PIK3C2G: variants seen among roughly 807,000 people sequenced by gnomAD.
PIK3C2G encodes phosphatidylinositol 3-kinase C2 domain-containing subunit gamma.
PIK3C2G carries 168 observed loss-of-function variants against 181.1 expected under a neutral mutation model. That is an observed-to-expected ratio of 0.93 (90% CI 0.82 to 1.05). The LOEUF is 1.05. Among genes scored for constraint, PIK3C2G ranks in the 50% least tolerant of loss-of-function variants. The pLI is 0.00. For missense variants in PIK3C2G, 1,869 were observed against 1,732.8 expected, an observed-to-expected ratio of 1.08 and a Z score of -1.40; for synonymous variants, 573 against 592.2, an observed-to-expected ratio of 0.97 and a Z score of 0.47.
intron 30 of PIK3C2G, among the ~76,000 whole-genome samples, chr12:18,601,287 T>C (rs1333537752): frequency 7.0e-6 from 1 of 142,558 alleles, no homozygotes; most frequent in Non-Finnish European, 1.5e-5. Context: ...AAATAAAAAT[T>C]AAAAAAAAAA....
chr12:18,693,008 A>T, the PIK3C2G span: 1 of 1,412,048 alleles, frequency 7.1e-7, no homozygotes. Context: ...TGGAGGAAGA[A>T]TTCATTAGAA....
chr12:18,334,950 G>C lies in PIK3C2G; in HGVS notation c.1273-3476G>C, dbSNP rs182335655. On this transcript the variant is annotated intron_variant, in intron 8 of 32. Coordinates refer to ENST00000538779, the MANE Select transcript of PIK3C2G (RefSeq NM_001288772.2). ...TACAATTGTGCATTTACTTCTGCCT[G>C]GGTCCAAAAAGTCACAATAGCCTAG... Among the ~76,000 whole-genome samples the C allele has an allele frequency of 3.7e-4, 57 of 152,076 alleles. No individual in the cohort carries two copies. In the East Asian group the frequency reaches 8.9e-3, roughly 24 times the overall value.
intron 1 of PIK3C2G, among the ~76,000 whole-genome samples, chr12:18,265,432 G>A (rs1948443160): frequency 6.6e-6 from 1 of 152,114 alleles, no homozygotes; most frequent in Admixed American, 6.6e-5. Flanking sequence ...GTTAATATTA[G>A]TTAATAAATT....
chr12:18,512,458 T>A (rs1336386491), intron 24 of PIK3C2G, among the ~76,000 whole-genome samples: 1 of 152,058 alleles, frequency 6.6e-6, no homozygotes, highest in East Asian at 1.9e-4. Context: ...GAAAATCTTT[T>A]AAGTTTTTTT....
chr12:18,725,260 A>T, the PIK3C2G span, among the ~76,000 whole-genome samples: 1 of 152,156 alleles, frequency 6.6e-6, no homozygotes, highest in African/African-American at 2.4e-5. Flanking sequence ...GAAAAGCAGG[A>T]CGTGGTAGCA....
intron 2 of PIK3C2G, among the ~76,000 whole-genome samples, chr12:18,284,272 G>A (rs1259960441): frequency 1.3e-5 from 2 of 152,062 alleles, no homozygotes; most frequent in Non-Finnish European, 2.9e-5. Context: ...TTCAAATGAA[G>A]CTACAAAGCC....
the PIK3C2G span, among the ~76,000 whole-genome samples, chr12:18,654,493 C>T: frequency 2.0e-5 from 3 of 152,164 alleles, no homozygotes; most frequent in East Asian, 3.9e-4. Context: ...AAATGTGGTC[C>T]GATTTCAGAC....
chr12:18,416,876 G>T (rs776834640), intron 16 of PIK3C2G, among the ~76,000 whole-genome samples: 10 of 152,102 alleles, frequency 6.6e-5, no homozygotes, highest in Non-Finnish European at 1.2e-4. Context: ...GAGTCATTTT[G>T]ACTTTTAAGT....
the PIK3C2G span, among the ~76,000 whole-genome samples, chr12:18,674,775 T>C: frequency 6.6e-6 from 1 of 152,142 alleles, no homozygotes; most frequent in African/African-American, 2.4e-5. Flanking sequence ...ACTTCTGTAA[T>C]GAGTTGAAAG....
At chr12:18,461,218 A>T (rs891688816) in intron 18 of PIK3C2G, among the ~76,000 whole-genome samples, 1 of 152,300 alleles carries the variant, frequency 6.6e-6, no homozygotes, top group African/African-American at 2.4e-5. Context: ...TATTTTCATA[A>T]CGTCATTTTT....
At chr12:18,705,071 C>T in the PIK3C2G span, 1 of 1,468,826 alleles carries the variant, frequency 6.8e-7, no homozygotes, top group Non-Finnish European at 9.5e-7. Context: ...TAAGCATTTT[C>T]ATTGGTCTCT....
At chr12:18,480,400 CAT>C (rs1001951807) in intron 18 of PIK3C2G, among the ~76,000 whole-genome samples, 8 of 152,104 alleles carry the variant, frequency 5.3e-5, no homozygotes, top group African/African-American at 1.4e-4. Flanking sequence ...ATAAATTTAA[CAT>C]GTGAACATGT....
At chr12:18,680,046 AC>A in the PIK3C2G span, among the ~76,000 whole-genome samples, 2 of 151,934 alleles carry the variant, frequency 1.3e-5, no homozygotes, top group African/African-American at 4.8e-5. Flanking sequence ...CATCATAAGA[AC>A]CCTTTGTTGG....
intron 31 of PIK3C2G, among the ~76,000 whole-genome samples, chr12:18,636,423 G>A (rs1012507493): frequency 6.6e-6 from 1 of 152,050 alleles, no homozygotes; most frequent in Non-Finnish European, 1.5e-5. Flanking sequence ...TAGAGATGGG[G>A]TTTCTCCATG....
intron 31 of PIK3C2G, among the ~76,000 whole-genome samples, chr12:18,625,432 G>A (rs895111289): frequency 1.3e-5 from 2 of 151,448 alleles, no homozygotes; most frequent in African/African-American, 2.4e-5. Context: ...CTTTTATTAC[G>A]GCCTAACATA....
intron 11 of PIK3C2G, among the ~76,000 whole-genome samples, chr12:18,352,198 C>T (rs935211923): frequency 6.6e-6 from 1 of 152,192 alleles, no homozygotes; most frequent in Non-Finnish European, 1.5e-5. Flanking sequence ...TAAGAAATTA[C>T]AGTTCTAGAA....
chr12:18,314,330 G>A, intron 6 of PIK3C2G, among the ~76,000 whole-genome samples: 1 of 152,190 alleles, frequency 6.6e-6, no homozygotes, highest in East Asian at 1.9e-4. Flanking sequence ...CATAAGTTGA[G>A]GCCCTGGGTG....
At chr12:18,469,522 AT>A (rs1454937823) in intron 18 of PIK3C2G, among the ~76,000 whole-genome samples, 8 of 152,100 alleles carry the variant, frequency 5.3e-5, no homozygotes, top group African/African-American at 1.9e-4. Flanking sequence ...CATTTTTCAA[AT>A]TGTAGTTGAA....
chr12:18,511,530 G>A (rs1400999508), intron 24 of PIK3C2G, among the ~76,000 whole-genome samples: 14 of 151,886 alleles, frequency 9.2e-5, no homozygotes, highest in Admixed American at 9.2e-4. Flanking sequence ...GATGTGAGGT[G>A]GTTTCTCAGT....
Sources: allele counts gnomAD v4.1 joint callset (sites outside exome capture counted in the v4.1 genomes callset), GRCh38; gene constraint gnomAD v4.1.1; transcripts MANE v1.5; gene names NCBI Gene and HGNC (gene_info 2026-07-23, HGNC 2026-07-21).